WDR35: variants seen among roughly 807,000 people sequenced by gnomAD.
WDR35 encodes the protein WD repeat domain 35.
In WDR35, 118 loss-of-function variants were observed where a neutral mutation model predicts 158.3. The observed-to-expected ratio is 0.75, with a 90% CI of 0.64 to 0.87. The LOEUF (loss-of-function observed/expected upper bound fraction) is 0.87. WDR35 is among the 40% of genes least tolerant of loss of function. The pLI is 0.00. For synonymous variants in WDR35, 448 were observed against 476.1 expected (o/e 0.94, Z 0.77); for missense variants, 1,263 against 1,405.8 (o/e 0.90, Z 1.62).
rs1314888973 is a variant in WDR35 at position 19,934,759 on chromosome 2, C to T, written c.2547+712G>A. On this transcript the variant is annotated intron_variant, in intron 21 of 26. Transcript: ENST00000281405. This position sits in a 1 kb window ranked among gnomAD's most constrained non-coding sequence, Gnocchi z 4.6. ...TTGAAAATAAGGGTGAGTGAAAATA[C>T]CATTATTACAGAGATAGCCGCTCAA... Among the ~76,000 whole-genome samples, 1 of 152,062 alleles carries T rather than the reference C, an allele frequency of 6.6e-6. No individual in the cohort carries two copies. Among genetic ancestry groups the T allele is most frequent in the Admixed American group, 6.6e-5 (1 of 15,250 alleles).
At chr2:19,927,335 G>A (rs1032970373) in intron 25 of WDR35, among the ~76,000 whole-genome samples, 7 of 152,066 alleles carry the variant, frequency 4.6e-5, no homozygotes, top group African/African-American at 9.7e-5. Context: ...AAAAATGAAC[G>A]TACTTGTTTA....
intron 11 of WDR35, among the ~76,000 whole-genome samples, chr2:19,958,867 C>T (rs1473531036): frequency 1.3e-5 from 2 of 152,014 alleles, no homozygotes; most frequent in Non-Finnish European, 2.9e-5. Flanking sequence ...AACAGAGTCC[C>T]ACAAACTACA....
At chr2:19,939,094 G>A (rs1405766385) in intron 17 of WDR35, among the ~76,000 whole-genome samples, 2 of 152,090 alleles carry the variant, frequency 1.3e-5, no homozygotes, top group Non-Finnish European at 2.9e-5. Flanking sequence ...TAGAGCTTAA[G>A]GCAATCGGAA....
intron 12 of WDR35, among the ~76,000 whole-genome samples, chr2:19,953,514 C>A (rs1434908705): frequency 1.3e-5 from 2 of 152,148 alleles, no homozygotes; most frequent in South Asian, 4.1e-4. Flanking sequence ...TTAGTTAGAT[C>A]CTTCGATCTC....
rs757257912 is a variant in WDR35 at position 19,975,655 on chromosome 2, T to A, written c.445A>T (p.Ile149Phe). 8 of 1,614,038 alleles carry A rather than the reference T, an allele frequency of 5.0e-6. No homozygotes were observed. In the South Asian group the frequency reaches 8.8e-5, roughly 18 times the overall value. Residue 149 changes from isoleucine (I) to phenylalanine (F), a missense_variant, in exon 6 of 27, where the codon ATT becomes TTT. Ile to Phe is a conservative substitution (Grantham distance 21, BLOSUM62 0). Coordinates refer to ENST00000281405, the MANE Select transcript of WDR35 (RefSeq NM_020779.4). Reference sequence around the variant, plus strand: ...ATACCCTTCAGGTCTTTTCCCCAAATACGATTGCCTAAAACAAAACATTAT... The same window carrying A: ...ATACCCTTCAGGTCTTTTCCCCAAAAACGATTGCCTAAAACAAAACATTAT... ...VIVGSVDGNR[I>F]WGKDLKGIQL...
At chr2:19,936,615 G>A (rs1670705277) in intron 19 of WDR35, among the ~76,000 whole-genome samples, 1 of 152,136 alleles carries the variant, frequency 6.6e-6, no homozygotes, top group South Asian at 2.1e-4. Context: ...GTATTAAGAG[G>A]TGGGGTTTCT....
intron 9 of WDR35, among the ~76,000 whole-genome samples, chr2:19,967,694 T>G (rs1471346058): frequency 5.3e-5 from 8 of 152,162 alleles, no homozygotes; most frequent in African/African-American, 1.7e-4. Flanking sequence ...GCTTTTTGTA[T>G]CCTGATTACT....
At chr2:19,977,541 C>T (rs1449317757) in intron 5 of WDR35, among the ~76,000 whole-genome samples, 5 of 152,184 alleles carry the variant, frequency 3.3e-5, no homozygotes, top group Non-Finnish European at 5.9e-5. Context: ...TGGCTACCAT[C>T]CACCATAATC....
chr2:19,976,832 T>C (rs966394005), intron 5 of WDR35, among the ~76,000 whole-genome samples: 2 of 152,034 alleles, frequency 1.3e-5, no homozygotes, highest in African/African-American at 4.8e-5. Context: ...TTTTTTTTTT[T>C]TTCCTGAGAC....
intron 11 of WDR35, among the ~76,000 whole-genome samples, chr2:19,959,673 C>A (rs1040441353): frequency 2.6e-4 from 39 of 151,818 alleles, no homozygotes; most frequent in African/African-American, 8.9e-4. Context: ...ATTTTTTCAA[C>A]AAACACTTAG....
At chr2:19,922,784 A>G (rs910770238) in intron 25 of WDR35, among the ~76,000 whole-genome samples, 7 of 152,212 alleles carry the variant, frequency 4.6e-5, no homozygotes, top group Admixed American at 2.6e-4. Context: ...GCCATAAACC[A>G]GCCCCAAAAC....
At chr2:19,919,798 T>C (rs1670111541) in intron 25 of WDR35, among the ~76,000 whole-genome samples, 1 of 152,134 alleles carries the variant, frequency 6.6e-6, no homozygotes, top group Admixed American at 6.5e-5. Flanking sequence ...ATCCAGGAAC[T>C]GGTTTTTTGA....
At chr2:19,969,883 G>A (rs2103449010) in intron 8 of WDR35, among the ~76,000 whole-genome samples, 1 of 152,028 alleles carries the variant, frequency 6.6e-6, no homozygotes, top group Non-Finnish European at 1.5e-5. Flanking sequence ...GAGTAGCTGG[G>A]ACTACAGGCG....
At position 19,912,155 on chromosome 2, in the gene WDR35, C is replaced by G. The variant is rs1669858572; in HGVS notation, c.*1403G>C. On this transcript the variant is annotated 3_prime_UTR_variant, in exon 27 of 27. Coordinates refer to ENST00000281405, the MANE Select transcript of WDR35 (RefSeq NM_020779.4). ...CCACTCCACTGGCACGTTACACTAA[C>G]AGTGTTAATCTATCATTGCTTTCTC... The G allele has an allele frequency of 6.6e-6, 1 of 152,214 alleles. No homozygotes were observed. Among genetic ancestry groups the G allele is most frequent in the South Asian group, 2.1e-4 (1 of 4,834 alleles). The allele number at this position is 152,214 out of a possible 1,614,324, so 9.4% of individuals were successfully genotyped here.
intron 12 of WDR35, among the ~76,000 whole-genome samples, chr2:19,952,305 T>C (rs1005104293): frequency 1.3e-5 from 2 of 152,182 alleles, no homozygotes; most frequent in African/African-American, 4.8e-5. Context: ...AAAACAAGAA[T>C]AATGAGCACT....
chr2:19,920,741 A>G (rs1670143391), intron 25 of WDR35, among the ~76,000 whole-genome samples: 1 of 152,228 alleles, frequency 6.6e-6, no homozygotes, highest in South Asian at 2.1e-4. Context: ...ACAATCAGGC[A>G]GGAGAAAGAA....
At chr2:19,973,005 T>C (rs1027967316) in intron 8 of WDR35, among the ~76,000 whole-genome samples, 26 of 152,088 alleles carry the variant, frequency 1.7e-4, no homozygotes, top group Admixed American at 3.3e-4. Flanking sequence ...AAAAATACTA[T>C]TGAGAAGGAT....
rs1385539421 is a variant in WDR35, at chr2:19,913,368, CTTA to C, written c.*187_*189del. The C allele has an allele frequency of 1.8e-5, 10 of 567,176 alleles. No individual in the cohort carries two copies. The highest frequency in any genetic ancestry group is 3.4e-5 in the Admixed American group (1 of 29,242). 35.1% of individuals were successfully genotyped at this position (567,176 alleles called of 1,614,324 possible). A position where few individuals can be genotyped will look rare whatever the true frequency, so the allele number is the denominator to read the frequency against. On this transcript the variant is annotated 3_prime_UTR_variant, in exon 27 of 27. Transcript: ENST00000281405. ...TTCATACATTTATATGAAAATCGGC[CTTA>C]TTATTTCACAGTTGTATTGCCATAA...
chr2:19,980,728 A>G lies in WDR35; in HGVS notation c.270T>C (p.Asp90=). Residue 90 remains aspartate (D), a synonymous_variant, in exon 4 of 27, where the codon GAT becomes GAC. Transcript: ENST00000281405. The stretch of plus-strand genomic sequence containing the variant: ...TCCACACAATGATAAGCCCGTTTTC[A>G]TCACTGGTAGTCAACTTCTGATACT... ...NEQYQKLTTS[D]ENGLIIVWML... is the part of the protein sequence containing the mutation. 6.2e-7 allele frequency: 1 copy of G among 1,613,824 alleles called. No homozygotes were observed.
Sources: gnomAD v4.1 joint callset for allele counts (sites outside exome capture counted in the v4.1 genomes callset) on GRCh38, gnomAD v4.1.1 for gene constraint, Gnocchi (gnomAD v3.1) non-coding constraint, MANE v1.5 for transcripts, NCBI Gene and HGNC (gene_info 2026-07-23, HGNC 2026-07-21) for gene names.